Variants in ARHGAP24 observed in about 807,000 individuals in gnomAD.
ARHGAP24 encodes Rho GTPase activating protein 24, also known as rho GTPase-activating protein 24.
In ARHGAP24, 50 loss-of-function variants were observed where a neutral mutation model predicts 76.4. The ratio of observed to expected loss-of-function variants is 0.65; its 90% CI spans 0.52 to 0.83. ARHGAP24 has a LOEUF of 0.83. Ranked by LOEUF, ARHGAP24 falls within the 40% of genes least tolerant of loss-of-function variation. The pLI, the probability that ARHGAP24 is intolerant of heterozygous loss-of-function variation, is 0.00. For synonymous variants in ARHGAP24, 345 were observed against 323.3 expected, an observed-to-expected ratio of 1.07 and a Z score of -0.72; for missense variants, 930 against 914.2, an observed-to-expected ratio of 1.02 and a Z score of -0.22.
intron 1 of ARHGAP24, among the ~76,000 whole-genome samples, chr4:85,550,925 T>A (rs1726108781): frequency 6.6e-6 from 1 of 152,192 alleles, no homozygotes; most frequent in Non-Finnish European, 1.5e-5. Context: ...TCAAGGAATT[T>A]TGGGGCTGAT....
intron 3 of ARHGAP24, among the ~76,000 whole-genome samples, chr4:85,889,643 T>C (rs904957079): frequency 2.6e-5 from 4 of 152,194 alleles, no homozygotes; most frequent in African/African-American, 9.6e-5. Flanking sequence ...TACTAATGTG[T>C]ACAGAGCAAA....
chr4:85,665,174 C>T (rs532095905), intron 2 of ARHGAP24, among the ~76,000 whole-genome samples: 356 of 152,218 alleles, frequency 2.3e-3, no homozygotes, highest in African/African-American at 8.3e-3. Flanking sequence ...TCACTAAGGA[C>T]TTGCTTTATG....
chr4:85,926,889 TC>T (rs1286560863), intron 4 of ARHGAP24, among the ~76,000 whole-genome samples: 7 of 152,186 alleles, frequency 4.6e-5, no homozygotes, highest in African/African-American at 1.7e-4. Context: ...AATAGTGTGA[TC>T]TATTACTTCT....
At chr4:85,952,022 G>A (rs1578425163) in intron 5 of ARHGAP24, among the ~76,000 whole-genome samples, 2 of 151,918 alleles carry the variant, frequency 1.3e-5, no homozygotes, top group Non-Finnish European at 2.9e-5. Flanking sequence ...GTTATATTTT[G>A]ATTATAACGT....
Position 85,786,492 on chromosome 4 carries a change from T to C in ARHGAP24, c.268+64520T>C, listed in dbSNP as rs148840764. ...TTAGTGGCATACATAACAAATAAAA[T>C]AATAAAATATTTATGAATCGCCCCC... On this transcript the variant is annotated intron_variant, in intron 3 of 9. Transcript: ENST00000395184. 9.5e-3 allele frequency among the ~76,000 whole-genome samples: 1,446 copies of C among 152,272 alleles called. 86 individuals carry two copies. Among genetic ancestry groups the C allele is most frequent in the Admixed American group, 0.087 (1,337 of 15,290 alleles).
intron 2 of ARHGAP24, among the ~76,000 whole-genome samples, chr4:85,609,930 C>A (rs527633537): frequency 6.6e-6 from 1 of 152,276 alleles, no homozygotes; most frequent in Admixed American, 6.5e-5. Context: ...AGCATTATGG[C>A]ACTTCCAGTT....
At position 85,643,223 on chromosome 4, in the gene ARHGAP24, CGTTTTTTTGTGTTTTT is replaced by C. The variant is rs1721590022; in HGVS notation, c.180+72503_180+72518del. 1.5e-5 allele frequency among the ~76,000 whole-genome samples: 2 copies of C among 129,266 alleles called. 1 individual carries two copies. The highest frequency in any genetic ancestry group is 1.5e-4 in the Admixed American group (2 of 13,292). 84.8% of individuals were successfully genotyped at this position (129,266 alleles called of 152,430 possible). A position where few individuals can be genotyped will look rare whatever the true frequency, so the allele number is the denominator to read the frequency against. Reference sequence around the variant, plus strand: ...GGTTCTACTTTTCTTTTTTATTTTCCGTTTTTTTGTGTTTTTTTTTTTTTTTTTTTTTTTTTTTTTT... The same window carrying C: ...GGTTCTACTTTTCTTTTTTATTTTCCTTTTTTTTTTTTTTTTTTTTTTTTT... On this transcript the variant is annotated intron_variant, in intron 2 of 9. Transcript: ENST00000395184.
intron 2 of ARHGAP24, among the ~76,000 whole-genome samples, chr4:85,719,769 G>T (rs1288998134): frequency 6.6e-6 from 1 of 152,134 alleles, no homozygotes; most frequent in Non-Finnish European, 1.5e-5. Context: ...ACAGTTTAAC[G>T]AGGGAGATGG....
intron 8 of ARHGAP24, among the ~76,000 whole-genome samples, chr4:85,981,969 C>T (rs561340267): frequency 6.6e-5 from 10 of 152,202 alleles, no homozygotes; most frequent in African/African-American, 2.4e-4. Flanking sequence ...CTCCTCTTTC[C>T]TTCCCTCTAC....
At chr4:85,642,549 T>C (rs1417670699) in intron 2 of ARHGAP24, among the ~76,000 whole-genome samples, 1 of 144,160 alleles carries the variant, frequency 6.9e-6, no homozygotes, top group Non-Finnish European at 1.5e-5. Context: ...GACCAAAAAC[T>C]TGAGAGTCAC....
intron 1 of ARHGAP24, among the ~76,000 whole-genome samples, chr4:85,478,683 C>T (rs991941839): frequency 6.6e-6 from 1 of 152,070 alleles, no homozygotes; most frequent in Non-Finnish European, 1.5e-5. Context: ...TTTAGCTCCC[C>T]CTTTGTGTAC....
chr4:85,688,958 G>A (rs1399610876), intron 2 of ARHGAP24, among the ~76,000 whole-genome samples: 1 of 152,152 alleles, frequency 6.6e-6, no homozygotes, highest in African/African-American at 2.4e-5. Context: ...TAGCTTTACA[G>A]TATAATTTGA....
At chr4:85,596,465 T>C (rs538973030) in intron 2 of ARHGAP24, among the ~76,000 whole-genome samples, 243 of 152,188 alleles carry the variant, frequency 1.6e-3, no homozygotes, top group African/African-American at 5.3e-3. Context: ...GTGATGTTTG[T>C]GTAAGTGCTG....
At chr4:85,763,381 T>C (rs1412604318) in intron 3 of ARHGAP24, among the ~76,000 whole-genome samples, 1 of 152,116 alleles carries the variant, frequency 6.6e-6, no homozygotes, top group East Asian at 1.9e-4. Flanking sequence ...TAATAAAACC[T>C]CTTAGTTTGG....
chr4:85,766,750 A>C (rs1485367324), intron 3 of ARHGAP24, among the ~76,000 whole-genome samples: 4 of 152,168 alleles, frequency 2.6e-5, no homozygotes, highest in Admixed American at 2.6e-4. Context: ...TAAATCACTA[A>C]GGTCATTTAC....
chr4:85,801,808 A>G (rs540294492), intron 3 of ARHGAP24, among the ~76,000 whole-genome samples: 2 of 152,366 alleles, frequency 1.3e-5, no homozygotes, highest in Middle Eastern at 3.4e-3. Context: ...GACATGGTGA[A>G]CCCATTATTA....
chr4:85,788,577 A>T (rs139786063), intron 3 of ARHGAP24, among the ~76,000 whole-genome samples: 178 of 152,322 alleles, frequency 1.2e-3, no homozygotes, highest in African/African-American at 3.8e-3. Context: ...ATCTTACAGG[A>T]GAATCTCCAC....
intron 3 of ARHGAP24, among the ~76,000 whole-genome samples, chr4:85,802,726 G>T (rs1728630507): frequency 6.6e-6 from 1 of 152,218 alleles, no homozygotes; most frequent in Non-Finnish European, 1.5e-5. Context: ...AGGAGGCGGA[G>T]GTTGTGGTGA....
intron 8 of ARHGAP24, among the ~76,000 whole-genome samples, chr4:85,992,797 CAATT>C (rs1489745657): frequency 3.6e-5 from 5 of 137,390 alleles, no homozygotes; most frequent in African/African-American, 1.5e-4. Context: ...ATAATACAAT[CAATT>C]ATTACATTGT....
Sources: allele counts gnomAD v4.1 joint callset (sites outside exome capture counted in the v4.1 genomes callset), GRCh38; gene constraint gnomAD v4.1.1; transcripts MANE v1.5; gene names NCBI Gene and HGNC (gene_info 2026-07-23, HGNC 2026-07-21).